HECW2: variants seen among roughly 807,000 people sequenced by gnomAD.
HECW2 encodes the protein HECT, C2 and WW domain containing E3 ubiquitin protein ligase 2, also known as E3 ubiquitin-protein ligase HECW2.
In HECW2, 61 loss-of-function variants were observed where a neutral mutation model predicts 175.2. The observed-to-expected ratio is 0.35, with a 90% confidence interval of 0.28 to 0.43. The LOEUF is 0.43. HECW2 is among the 20% of genes least tolerant of loss of function. HECW2 has a pLI of 1.00. For missense variants in HECW2, 1,524 were observed against 2,000.5 expected (o/e 0.76, Z 4.54); for synonymous variants, 671 against 731.0 (o/e 0.92, Z 1.32).
At position 196,232,484 on chromosome 2, in the gene HECW2, T is replaced by C. The variant is rs375640724; in HGVS notation, c.3765-4230A>G. ...TTGTTGAATCAATGAGTGGAGCTCT[T>C]TGATGCTTTCTAAAGAAAAATCAAC... On this transcript the variant is annotated intron_variant, in intron 21 of 28. Transcript: ENST00000644978. Among the ~76,000 whole-genome samples, 26 of 152,236 alleles carry C rather than the reference T, an allele frequency of 1.7e-4. No individual in the cohort carries two copies. The East Asian group carries it at 1.9e-3, about 11-fold the overall frequency.
chr2:196,332,628 C>A (rs1692408490), intron 4 of HECW2, among the ~76,000 whole-genome samples: 1 of 152,116 alleles, frequency 6.6e-6, no homozygotes, highest in Admixed American at 6.5e-5. Context: ...CCGTAAACTC[C>A]CACTGCCTTC....
At chr2:196,395,454 T>A (rs1694633354) in intron 2 of HECW2, among the ~76,000 whole-genome samples, 1 of 152,068 alleles carries the variant, frequency 6.6e-6, no homozygotes, top group Admixed American at 6.6e-5. Flanking sequence ...TATTTGCAAA[T>A]CATGTATGTG....
At chr2:196,270,325 G>A (rs1689680637) in intron 17 of HECW2, among the ~76,000 whole-genome samples, 1 of 152,172 alleles carries the variant, frequency 6.6e-6, no homozygotes, top group Admixed American at 6.5e-5. Context: ...AACTTAGAAG[G>A]AGAGAAAAGC....
rs145097847 is a variant in HECW2 at position 196,209,832 on chromosome 2, C to T, written c.4607+6033G>A. Among the ~76,000 whole-genome samples the T allele has an allele frequency of 3.6e-3, 539 of 150,502 alleles. 4 individuals carry two copies. The highest frequency in any genetic ancestry group is 0.012 in the African/African-American group (508 of 40,834). On this transcript the variant is annotated intron_variant, in intron 28 of 28. Coordinates refer to ENST00000644978, the MANE Select transcript of HECW2 (RefSeq NM_001348768.2). Reference sequence around the variant, plus strand: ...AGGCTGGAGCGCAGTGGTGCGATCTCGGCTCACTGCAAGCTCCGCCTCCCG... The same window carrying T: ...AGGCTGGAGCGCAGTGGTGCGATCTTGGCTCACTGCAAGCTCCGCCTCCCG...
intron 2 of HECW2, among the ~76,000 whole-genome samples, chr2:196,409,879 T>G (rs1326439882): frequency 1.3e-5 from 2 of 152,136 alleles, no homozygotes; most frequent in African/African-American, 4.8e-5. Flanking sequence ...CCTTATACAG[T>G]AAATCCCTTG....
chr2:196,378,831 A>G (rs1694122455), intron 2 of HECW2, among the ~76,000 whole-genome samples: 1 of 152,236 alleles, frequency 6.6e-6, no homozygotes, highest in Non-Finnish European at 1.5e-5. Context: ...TCAATGAGAA[A>G]CATTCTAACG....
chr2:196,215,501 C>T (rs539026552), intron 28 of HECW2, among the ~76,000 whole-genome samples: 5 of 152,240 alleles, frequency 3.3e-5, no homozygotes, highest in South Asian at 2.1e-4. Flanking sequence ...GAAACTACAA[C>T]GGTAATTTTT....
At chr2:196,527,112 G>C (rs907472074) in intron 1 of HECW2, among the ~76,000 whole-genome samples, 1 of 152,218 alleles carries the variant, frequency 6.6e-6, no homozygotes, top group Non-Finnish European at 1.5e-5. Context: ...TCAGACTGCT[G>C]TGCTAGCAAT....
Position 196,292,721 on chromosome 2 carries a change from C to T in HECW2, c.2844G>A (p.Thr948=), listed in dbSNP as rs61744647. Residue 948 remains threonine, a synonymous_variant, in exon 14 of 29, where the codon ACG becomes ACA. Transcript: ENST00000644978. ...CTTTGGTGATCATGTGCTTCAAACA[C>T]GTGTTGTTTGTAAACATGCGGTAGG... ...PSAYRMFTNN[T]CLKHMITKVR... is the part of the protein sequence containing the mutation. 51,645 of 1,613,298 alleles carry T rather than the reference C, an allele frequency of 0.032. 1,170 individuals are homozygous for T. Among genetic ancestry groups the T allele is most frequent in the South Asian group, 0.096 (8,733 of 91,038 alleles).
chr2:196,571,222 T>A (rs1274162044), intron 1 of HECW2, among the ~76,000 whole-genome samples: 1 of 152,206 alleles, frequency 6.6e-6, no homozygotes, highest in Admixed American at 6.5e-5. Flanking sequence ...ATGTACTCAT[T>A]TCCTAATCCC....
At chr2:196,437,524 A>G (rs1196481916) in intron 1 of HECW2, among the ~76,000 whole-genome samples, 1 of 145,578 alleles carries the variant, frequency 6.9e-6, no homozygotes. Context: ...AGGCACGAGA[A>G]TCGCTTGAAC....
intron 14 of HECW2, chr2:196,288,984 A>G (rs1690497577): frequency 6.6e-6 from 1 of 152,266 alleles, no homozygotes; most frequent in Non-Finnish European, 1.5e-5. Context: ...TATAATGTGG[A>G]TAAAAATAGC....
intron 1 of HECW2, among the ~76,000 whole-genome samples, chr2:196,445,287 T>C (rs1233778024): frequency 6.6e-6 from 1 of 152,244 alleles, no homozygotes; most frequent in Non-Finnish European, 1.5e-5. Flanking sequence ...ACAGTATGAA[T>C]AAATCTTGAC....
At chr2:196,480,934 T>G (rs1259260498) in intron 1 of HECW2, among the ~76,000 whole-genome samples, 4 of 152,060 alleles carry the variant, frequency 2.6e-5, no homozygotes, top group African/African-American at 9.7e-5. Context: ...GTACTGGTAC[T>G]CAAGAAATAT....
At chr2:196,561,701 T>C (rs1247686943) in intron 1 of HECW2, among the ~76,000 whole-genome samples, 1 of 152,180 alleles carries the variant, frequency 6.6e-6, no homozygotes, top group Non-Finnish European at 1.5e-5. Flanking sequence ...TGTTGAAATA[T>C]CAGGGGCTGG....
intron 28 of HECW2, among the ~76,000 whole-genome samples, chr2:196,208,997 C>T (rs937797266): frequency 6.6e-6 from 1 of 152,148 alleles, no homozygotes; most frequent in Admixed American, 6.5e-5. Context: ...CAGTCTACTG[C>T]AGTAGTCCAG....
chr2:196,374,435 G>A (rs114061131), intron 2 of HECW2, among the ~76,000 whole-genome samples: 2,175 of 152,252 alleles, frequency 0.014, 31 homozygotes, highest in Middle Eastern at 0.024. Context: ...ATTTCCAAGT[G>A]GTGTACAATG....
At chr2:196,504,024 G>A (rs543903900) in intron 1 of HECW2, among the ~76,000 whole-genome samples, 2 of 152,208 alleles carry the variant, frequency 1.3e-5, no homozygotes, top group African/African-American at 4.8e-5. Context: ...TGCCAGGCGC[G>A]GTGGCTCATG....
intron 1 of HECW2, among the ~76,000 whole-genome samples, chr2:196,481,128 C>T (rs1051217071): frequency 6.6e-6 from 1 of 152,192 alleles, no homozygotes; most frequent in Non-Finnish European, 1.5e-5. Context: ...AAAACCCATG[C>T]CTGCTTTCAG....
Sources: allele counts gnomAD v4.1 joint callset (sites outside exome capture counted in the v4.1 genomes callset), GRCh38; gene constraint gnomAD v4.1.1; transcripts MANE v1.5; gene names NCBI Gene and HGNC (gene_info 2026-07-23, HGNC 2026-07-21).